The following MYO16 variants were observed in gnomAD, a reference collection of about 807,000 sequenced individuals.
MYO16 encodes unconventional myosin-XVI.
MYO16 carries 94 observed loss-of-function variants against 205.3 expected under a neutral mutation model. That is an observed-to-expected ratio of 0.46 (90% CI 0.39 to 0.54). The LOEUF is 0.54. Among genes scored for constraint, MYO16 ranks in the 20% least tolerant of loss-of-function variants. The pLI is 0.00. For synonymous variants in MYO16, 988 were observed against 954.0 expected (o/e 1.04, Z -0.66); for missense variants, 2,315 against 2,387.5 (o/e 0.97, Z 0.63).
At chr13:108,651,529 A>T (rs1461960652) in intron 1 of MYO16, among the ~76,000 whole-genome samples, 2 of 152,250 alleles carry the variant, frequency 1.3e-5, no homozygotes, top group Non-Finnish European at 2.9e-5. Flanking sequence ...TACATTATAC[A>T]GTAATTTTTA....
At chr13:108,930,371 A>G (rs1882202265) in intron 16 of MYO16, among the ~76,000 whole-genome samples, 1 of 152,198 alleles carries the variant, frequency 6.6e-6, no homozygotes, top group African/African-American at 2.4e-5. Context: ...ATGAAGAGAT[A>G]TATCAATAAT....
chr13:109,200,148 C>T (rs1880342585), intron 34 of MYO16, among the ~76,000 whole-genome samples: 1 of 152,114 alleles, frequency 6.6e-6, no homozygotes, highest in Non-Finnish European at 1.5e-5. Context: ...TTTTAAAATG[C>T]CCTCTCAGGT....
intron 4 of MYO16, among the ~76,000 whole-genome samples, chr13:108,768,102 C>T (rs894813105): frequency 3.3e-5 from 5 of 152,156 alleles, no homozygotes; most frequent in Non-Finnish European, 5.9e-5. Context: ...GAGATTCCAG[C>T]CCAGGCTTCT....
At chr13:109,126,437 A>ATGCAT in intron 30 of MYO16, among the ~76,000 whole-genome samples, 1 of 152,360 alleles carries the variant, frequency 6.6e-6, no homozygotes, top group East Asian at 1.9e-4. Flanking sequence ...TGTAGAATGA[A>ATGCAT]TGCATTGGCA....
chr13:109,075,273 T>C (rs1888056352), intron 27 of MYO16, among the ~76,000 whole-genome samples: 1 of 152,288 alleles, frequency 6.6e-6, no homozygotes, highest in East Asian at 1.9e-4. Context: ...ACTGCCAAAC[T>C]GTTTTCCAAA....
At chr13:108,886,281 C>T (rs1268518640) in intron 13 of MYO16, among the ~76,000 whole-genome samples, 1 of 151,804 alleles carries the variant, frequency 6.6e-6, no homozygotes, top group Non-Finnish European at 1.5e-5. Context: ...GCCACCGCGC[C>T]CGGCCCTCCT....
At chr13:108,704,722 A>G (rs991440860) in intron 2 of MYO16, among the ~76,000 whole-genome samples, 1 of 152,120 alleles carries the variant, frequency 6.6e-6, no homozygotes, top group African/African-American at 2.4e-5. Context: ...AAATGCCTAT[A>G]TTTAAATACA....
chr13:109,086,026 A>G (rs2139679762), intron 27 of MYO16, among the ~76,000 whole-genome samples: 1 of 152,338 alleles, frequency 6.6e-6, no homozygotes, highest in Non-Finnish European at 1.5e-5. Flanking sequence ...AAAATATGTT[A>G]AAACAAGTTC....
In MYO16 at chr13:108,927,790, G is replaced by A. The variant is rs548189870; in HGVS notation, c.1925+17640G>A. On this transcript the variant is annotated intron_variant, in intron 16 of 34. Coordinates refer to ENST00000457511, the MANE Select transcript of MYO16 (RefSeq NM_001198950.3). ...ATCATGACAGTTCCACGAGGCAGGC[G>A]TTTCCTGCCCTCTCCACGGATAAGG... Among the ~76,000 whole-genome samples, 97 of 152,266 alleles carry A rather than the reference G, an allele frequency of 6.4e-4. 1 individual carries two copies. The highest frequency in any genetic ancestry group is 2.1e-3 in the African/African-American group (87 of 41,570).
At chr13:108,997,699 G>A (rs536324236) in intron 21 of MYO16, among the ~76,000 whole-genome samples, 5 of 152,144 alleles carry the variant, frequency 3.3e-5, no homozygotes, top group Non-Finnish European at 7.4e-5. Flanking sequence ...ATTAGCCAGC[G>A]TGGTGGTGGG....
intron 28 of MYO16, among the ~76,000 whole-genome samples, chr13:109,119,478 A>G (rs1255200535): frequency 6.6e-6 from 1 of 152,214 alleles, no homozygotes; most frequent in Non-Finnish European, 1.5e-5. Context: ...GCAATTACTT[A>G]TGTCTGCTTC....
intron 30 of MYO16, among the ~76,000 whole-genome samples, chr13:109,126,845 G>T (rs1037551846): frequency 6.6e-6 from 1 of 152,184 alleles, no homozygotes; most frequent in Non-Finnish European, 1.5e-5. Flanking sequence ...AGGGGAAATG[G>T]TGATGAACTC....
At chr13:108,719,337 C>T (rs571546335) in intron 3 of MYO16, among the ~76,000 whole-genome samples, 10 of 152,264 alleles carry the variant, frequency 6.6e-5, no homozygotes, top group Non-Finnish European at 1.5e-4. Flanking sequence ...CTTAGAAAGT[C>T]TTTCTTTAAG....
At chr13:108,664,723 C>A (rs1881648977) in intron 1 of MYO16, among the ~76,000 whole-genome samples, 2 of 152,156 alleles carry the variant, frequency 1.3e-5, no homozygotes, top group Admixed American at 1.3e-4. Flanking sequence ...AAGCCAGCTT[C>A]TAGAATTTTT....
chr13:109,136,742 T>C (rs558209424), intron 31 of MYO16, among the ~76,000 whole-genome samples: 17 of 152,308 alleles, frequency 1.1e-4, no homozygotes, highest in Middle Eastern at 3.4e-3. Context: ...CATCAAGAGC[T>C]TTCTTGAGGC....
intron 20 of MYO16, among the ~76,000 whole-genome samples, chr13:108,990,268 T>C: frequency 6.6e-6 from 1 of 152,090 alleles, no homozygotes; most frequent in East Asian, 1.9e-4. Context: ...TCTTTGTGCA[T>C]ATCATAAGGA....
intron 4 of MYO16, among the ~76,000 whole-genome samples, chr13:108,742,044 G>A (rs1364874004): frequency 6.6e-6 from 1 of 152,140 alleles, no homozygotes; most frequent in Non-Finnish European, 1.5e-5. Flanking sequence ...CTAAGCTGGA[G>A]TGCAGTAGCA....
At chr13:109,002,417 A>G (rs1054949032) in intron 21 of MYO16, among the ~76,000 whole-genome samples, 3 of 152,224 alleles carry the variant, frequency 2.0e-5, no homozygotes, top group Non-Finnish European at 4.4e-5. Context: ...ATAAGCAATA[A>G]GTTTCCGTTC....
chr13:108,873,154 T>C (rs761659071), intron 12 of MYO16, among the ~76,000 whole-genome samples: 2 of 152,338 alleles, frequency 1.3e-5, no homozygotes, highest in African/African-American at 4.8e-5. Context: ...CATTGTATTA[T>C]GTCTGTTGTT....
Sources: gnomAD v4.1 joint callset for allele counts (sites outside exome capture counted in the v4.1 genomes callset) on GRCh38, gnomAD v4.1.1 for gene constraint, MANE v1.5 for transcripts, NCBI Gene and HGNC (gene_info 2026-07-23, HGNC 2026-07-21) for gene names.